The following EML6 variants were observed in gnomAD, a reference collection of about 807,000 sequenced individuals.
EML6 encodes EMAP like 6, also known as echinoderm microtubule-associated protein-like 6.
In EML6, 154 loss-of-function variants were observed where a neutral mutation model predicts 240.1. The ratio of observed to expected loss-of-function variants is 0.64; its 90% CI spans 0.56 to 0.73. The LOEUF (loss-of-function observed/expected upper bound fraction) is 0.73, where lower values mean the gene tolerates loss of function less well. EML6 is among the 30% of genes least tolerant of loss of function. The probability of loss-of-function intolerance (pLI) is 0.00; values close to 1 mark genes in which losing one functional copy is unlikely to be tolerated. For synonymous variants in EML6, 1,148 were observed against 899.0 expected, an observed-to-expected ratio of 1.28 and a Z score of -4.95; for missense variants, 2,964 against 2,474.6, an observed-to-expected ratio of 1.20 and a Z score of -4.20.
In EML6 at chr2:54,928,481, G is replaced by A; in HGVS notation, c.3844G>A (p.Glu1282Lys). The A allele has an allele frequency of 6.5e-7, 1 of 1,548,058 alleles. No homozygotes were observed. Among genetic ancestry groups the A allele is most frequent in the Non-Finnish European group, 8.7e-7 (1 of 1,144,720 alleles). Residue 1282 changes from glutamate to lysine, a missense_variant, in exon 27 of 42, where the codon GAG becomes AAG. Glu to Lys is a moderately conservative substitution (Grantham distance 56). Coordinates refer to ENST00000356458, the MANE Select transcript of EML6 (RefSeq NM_001039753.4). ...GTQESKLVDSEESDTDVEEDG... is the reference protein window; with the variant it reads ...GTQESKLVDSKESDTDVEEDG... ...CCAGGAGAGCAAGCTGGTGGACAGC[G>A]AGGAGTCAGACACCGACGTGGAAGA...
chr2:54,938,991 CTG>C (rs1392136381), intron 28 of EML6, among the ~76,000 whole-genome samples: 1 of 152,194 alleles, frequency 6.6e-6, no homozygotes, highest in Non-Finnish European at 1.5e-5. Context: ...GTTGTCAACT[CTG>C]TGAAAGCAAA....
chr2:54,780,730 C>T (rs753463523), intron 2 of EML6, among the ~76,000 whole-genome samples: 16 of 152,228 alleles, frequency 1.1e-4, no homozygotes, highest in Admixed American at 2.6e-4. Context: ...GGAATGATAA[C>T]GGAATGAGAT....
At position 54,947,537 on chromosome 2, in the gene EML6, G is replaced by C. The variant is rs551261839; in HGVS notation, c.4005-1345G>C. ...CGCAAGCCATTCGAGCAGGCAGGCT[G>C]ACCTACCAAGAAACACTGGGAATTA... On this transcript the variant is annotated intron_variant, in intron 28 of 41. Coordinates refer to ENST00000356458, the MANE Select transcript of EML6 (RefSeq NM_001039753.4). Among the ~76,000 whole-genome samples, 30 of 151,496 alleles carry C rather than the reference G, an allele frequency of 2.0e-4. No individual in the cohort carries two copies. In the South Asian group the frequency reaches 6.3e-3, roughly 32 times the overall value.
intron 28 of EML6, among the ~76,000 whole-genome samples, chr2:54,947,108 C>T (rs1324452054): frequency 6.6e-6 from 1 of 152,134 alleles, no homozygotes; most frequent in Non-Finnish European, 1.5e-5. Context: ...CCTTATGAGC[C>T]ATGCCATAGT....
At chr2:54,848,524 T>TACACACACACACACACACACACACACAC (rs59587579) in intron 9 of EML6, among the ~76,000 whole-genome samples, 94 of 145,844 alleles carry the variant, frequency 6.4e-4, no homozygotes, top group Middle Eastern at 3.5e-3. Flanking sequence ...GCTTCCACAC[T>TACACACACACACACACACACACACACAC]ACACACACAC....
rs181152983 is a variant in EML6 at position 54,938,642 on chromosome 2, A to G, written c.4004+9891A>G. On this transcript the variant is annotated intron_variant, in intron 28 of 41. Transcript: ENST00000356458. ...TCTAACATACTTTGACACGTCCACT[A>G]TGGGAACTAACTGACTTTGGCTTCA... Among the ~76,000 whole-genome samples the G allele has an allele frequency of 4.0e-3, 609 of 152,320 alleles. 6 individuals are homozygous for G. Among genetic ancestry groups the G allele is most frequent in the African/African-American group, 0.014 (583 of 41,574 alleles).
chr2:54,840,916 G>A (rs186021236), intron 7 of EML6, among the ~76,000 whole-genome samples: 1 of 152,370 alleles, frequency 6.6e-6, no homozygotes, highest in African/African-American at 2.4e-5. Flanking sequence ...GAAGAGCAAA[G>A]CATTAAACCC....
At chr2:54,864,889 T>C (rs950386074) in intron 13 of EML6, among the ~76,000 whole-genome samples, 3 of 152,230 alleles carry the variant, frequency 2.0e-5, no homozygotes, top group Non-Finnish European at 2.9e-5. Flanking sequence ...ATTGTGTTCG[T>C]ACCAAGACAG....
rs941625901 is a variant in EML6 at position 54,950,695 on chromosome 2, C to T, written c.4129C>T (p.Arg1377Ter). 9 of 1,551,594 alleles carry T rather than the reference C, an allele frequency of 5.8e-6. No individual in the cohort carries two copies. The highest frequency in any genetic ancestry group is 7.0e-6 in the Non-Finnish European group (8 of 1,146,966). The change falls in exon 30 of 42, where the codon CGA (arginine) becomes TGA (stop). Residue 1377 changes from arginine (R) to a stop codon, truncating the protein, a stop_gained. Coordinates refer to ENST00000356458, the MANE Select transcript of EML6 (RefSeq NM_001039753.4). LOFTEE classifies it high-confidence loss of function. ...GTTTGGCTACAGAGGTTTCGACTGT[C>T]GAAATAACCTGCATTACCTTAATGA... Reference protein sequence around the residue: ...HVFGYRGFDCRNNLHYLNDGA... With the variant: ...HVFGYRGFDC
intron 36 of EML6, 34 bp from the exon 37 acceptor site, chr2:54,963,952 A>G (rs1278693822): frequency 1.6e-5 from 25 of 1,528,272 alleles, no homozygotes; most frequent in Non-Finnish European, 2.1e-5. Flanking sequence ...GAGGGGGCCA[A>G]GAGCTCAGGT....
intron 24 of EML6, among the ~76,000 whole-genome samples, chr2:54,909,775 CA>C (rs1558676275): frequency 6.9e-6 from 1 of 143,892 alleles, no homozygotes; most frequent in Non-Finnish European, 1.5e-5. Flanking sequence ...ACTTGAGAGG[CA>C]GAGGTTGCAG....
At chr2:54,852,239 A>G in intron 10 of EML6, among the ~76,000 whole-genome samples, 1 of 152,210 alleles carries the variant, frequency 6.6e-6, no homozygotes, top group East Asian at 1.9e-4. Context: ...GATTCATCTG[A>G]CTTACATAAT....
intron 7 of EML6, among the ~76,000 whole-genome samples, chr2:54,832,792 G>T (rs1199520914): frequency 1.3e-5 from 2 of 151,106 alleles, no homozygotes; most frequent in African/African-American, 4.9e-5. Context: ...TTGGCCTTCT[G>T]CTCCACCTCT....
chr2:54,793,264 CAAAAT>C (rs1325871177), intron 2 of EML6, among the ~76,000 whole-genome samples: 2 of 151,306 alleles, frequency 1.3e-5, no homozygotes, highest in Non-Finnish European at 2.9e-5. Context: ...AAGACTGTCA[CAAAAT>C]AAAATTTTTG....
chr2:54,810,380 G>T (rs1156917345), intron 2 of EML6, among the ~76,000 whole-genome samples: 2 of 152,154 alleles, frequency 1.3e-5, no homozygotes, highest in African/African-American at 4.8e-5. Flanking sequence ...TTGAAGACTT[G>T]TTGAAATCTG....
chr2:54,810,803 C>A (rs934718436), intron 2 of EML6, among the ~76,000 whole-genome samples: 8 of 152,148 alleles, frequency 5.3e-5, no homozygotes, highest in Middle Eastern at 3.2e-3. Context: ...CCTCACGGAG[C>A]ATACAATCTA....
rs532945608 is a variant in EML6, at chr2:54,959,084, A to G, written c.4696-20A>G. The G allele has an allele frequency of 2.6e-6, 4 of 1,544,280 alleles. No individual in the cohort carries two copies. In the African/African-American group the frequency reaches 5.5e-5, roughly 21 times the overall value. On this transcript the variant is annotated intron_variant, in intron 33 of 41. Transcript: ENST00000356458. Reference sequence around the variant, plus strand: ...CGCTTGAGTGTGTTCCGGGTGTAGAAGATGTTGTTTTGTTTACAGAACAAT... The same window carrying G: ...CGCTTGAGTGTGTTCCGGGTGTAGAGGATGTTGTTTTGTTTACAGAACAAT...
chr2:54,817,277 A>G (rs1306927581), intron 4 of EML6, among the ~76,000 whole-genome samples: 1 of 152,224 alleles, frequency 6.6e-6, no homozygotes, highest in African/African-American at 2.4e-5. Context: ...TGTAATGACA[A>G]CTTCGTGATT....
intron 39 of EML6, 81 bp from the exon 40 acceptor site, chr2:54,968,046 TA>T: frequency 7.4e-7 from 1 of 1,353,764 alleles, no homozygotes. Flanking sequence ...CTCTCTTCCT[TA>T]TCCCTGGGAG....
Sources: gnomAD v4.1 joint callset for allele counts (sites outside exome capture counted in the v4.1 genomes callset) on GRCh38, gnomAD v4.1.1 for gene constraint, MANE v1.5 for transcripts, NCBI Gene and HGNC (gene_info 2026-07-23, HGNC 2026-07-21) for gene names.